The following CCSER2 variants were observed in gnomAD, a reference collection of about 807,000 sequenced individuals.
CCSER2 encodes the protein coiled-coil serine rich protein 2.
In CCSER2, 46 loss-of-function variants were observed where a neutral mutation model predicts 92.3. That is an observed-to-expected ratio of 0.50 (90% confidence interval 0.39 to 0.64). The LOEUF (loss-of-function observed/expected upper bound fraction) is 0.64. CCSER2 is among the 30% of genes least tolerant of loss of function. The pLI is 0.00. For synonymous variants in CCSER2, 433 were observed against 431.4 expected, an observed-to-expected ratio of 1.00 and a Z score of -0.04; for missense variants, 1,244 against 1,238.9, an observed-to-expected ratio of 1.00 and a Z score of -0.06.
chr10:84,346,556 A>C (rs942752515), intron 1 of CCSER2, among the ~76,000 whole-genome samples: 13 of 152,180 alleles, frequency 8.5e-5, no homozygotes, highest in African/African-American at 3.1e-4. Flanking sequence ...AGGAACATCT[A>C]ATCTGCAGAT....
chr10:84,459,487 A>T (rs1845970128), intron 6 of CCSER2, among the ~76,000 whole-genome samples: 1 of 151,844 alleles, frequency 6.6e-6, no homozygotes, highest in South Asian at 2.1e-4. Flanking sequence ...ATTAAATATG[A>T]TGTTACTGGT....
chr10:84,445,725 T>C (rs1346149783), intron 6 of CCSER2, among the ~76,000 whole-genome samples: 1 of 152,202 alleles, frequency 6.6e-6, no homozygotes. Context: ...TAGGATATAC[T>C]TGTTTTATAT....
intron 4 of CCSER2, among the ~76,000 whole-genome samples, chr10:84,425,443 A>G (rs146411763): frequency 6.6e-6 from 1 of 152,272 alleles, no homozygotes; most frequent in Non-Finnish European, 1.5e-5. Flanking sequence ...TATAATGTTG[A>G]TTTCAAGGTT....
chr10:84,363,386 G>A (rs1845613345), intron 1 of CCSER2, among the ~76,000 whole-genome samples: 1 of 152,014 alleles, frequency 6.6e-6, no homozygotes, highest in Non-Finnish European at 1.5e-5. Context: ...GAAAGAAGTA[G>A]TTGAGTAACA....
At chr10:84,498,622 A>C (rs368158005) in intron 9 of CCSER2, among the ~76,000 whole-genome samples, 2 of 152,206 alleles carry the variant, frequency 1.3e-5, no homozygotes, top group Admixed American at 6.5e-5. Flanking sequence ...ATCTGTAAAC[A>C]CTGTTAAACT....
intron 6 of CCSER2, among the ~76,000 whole-genome samples, chr10:84,446,816 T>G (rs1564673020): frequency 6.6e-6 from 1 of 152,130 alleles, no homozygotes; most frequent in Non-Finnish European, 1.5e-5. Flanking sequence ...TGTATTTCCG[T>G]GAATATAAGG....
rs1292544548 is a variant in CCSER2, at chr10:84,377,733, A to G, written c.1614+3918A>G. 2.6e-5 allele frequency among the ~76,000 whole-genome samples: 4 copies of G among 152,270 alleles called. No homozygotes were observed. The East Asian group carries it at 5.8e-4, about 22-fold the overall frequency. ...AGATGATTTTGGAGAGAATTGACAT[A>G]TTTATGATGGAGATATAGTCCTCCA... On this transcript the variant is annotated intron_variant, in intron 3 of 9. Transcript: ENST00000372088.
intron 9 of CCSER2, among the ~76,000 whole-genome samples, chr10:84,505,388 G>A (rs542658653): frequency 2.0e-5 from 3 of 152,056 alleles, no homozygotes; most frequent in African/African-American, 4.8e-5. Flanking sequence ...GCCACTTGAT[G>A]TGTCAAATGT....
intron 3 of CCSER2, among the ~76,000 whole-genome samples, chr10:84,396,557 G>A (rs989852163): frequency 2.6e-5 from 4 of 151,968 alleles, no homozygotes; most frequent in South Asian, 2.1e-4. Flanking sequence ...TGCCCACATC[G>A]TGGTTTATTT....
chr10:84,346,356 A>C (rs958452177), intron 1 of CCSER2, among the ~76,000 whole-genome samples: 2 of 151,834 alleles, frequency 1.3e-5, no homozygotes, highest in African/African-American at 2.4e-5. Flanking sequence ...GAGCCACCGC[A>C]CCCAGCCATG....
intron 3 of CCSER2, among the ~76,000 whole-genome samples, chr10:84,399,168 A>G (rs1440222139): frequency 6.6e-6 from 1 of 152,138 alleles, no homozygotes; most frequent in African/African-American, 2.4e-5. Flanking sequence ...GGTAAATTCT[A>G]AGCCCTCACC....
In CCSER2 at chr10:84,470,279, A is replaced by G. The variant is rs561896178; in HGVS notation, c.2149-93A>G. ...GAGGATTTCCCCCCTAAATGACCAG[A>G]TAGTTTGTTCATTACTGTGTCTTCA... On this transcript the variant is annotated intron_variant, in intron 7 of 9. Coordinates refer to ENST00000372088, the MANE Select transcript of CCSER2 (RefSeq NM_001284240.2). 1,269 of 657,396 alleles carry G rather than the reference A, an allele frequency of 1.9e-3. 5 individuals are homozygous for G. Among genetic ancestry groups the G allele is most frequent in the Middle Eastern group, 3.2e-3 (6 of 1,850 alleles). 40.7% of individuals were successfully genotyped at this position (657,396 alleles called of 1,614,324 possible).
chr10:84,507,034 C>T (rs186155607), intron 9 of CCSER2, among the ~76,000 whole-genome samples: 1 of 152,238 alleles, frequency 6.6e-6, no homozygotes, highest in East Asian at 1.9e-4. Context: ...AGAAGTTTTA[C>T]ACATGCCTTT....
chr10:84,444,794 T>C (rs898874437), intron 6 of CCSER2, among the ~76,000 whole-genome samples: 14 of 152,220 alleles, frequency 9.2e-5, no homozygotes, highest in Non-Finnish European at 1.2e-4. Context: ...AACCATTATA[T>C]TTGGCCTTTG....
chr10:84,374,308 C>T (rs1201541769), intron 3 of CCSER2, among the ~76,000 whole-genome samples: 1 of 152,114 alleles, frequency 6.6e-6, no homozygotes, highest in East Asian at 1.9e-4. Context: ...CATTGAAGTG[C>T]CAACTCTCAG....
At chr10:84,489,925 G>T (rs1848051496) in intron 9 of CCSER2, among the ~76,000 whole-genome samples, 1 of 152,130 alleles carries the variant, frequency 6.6e-6, no homozygotes, top group Admixed American at 6.6e-5. Context: ...GCTCTTTTAG[G>T]GCAGGCCTGG....
At chr10:84,416,628 C>T (rs1328930184) in intron 3 of CCSER2, among the ~76,000 whole-genome samples, 4 of 152,064 alleles carry the variant, frequency 2.6e-5, no homozygotes, top group Non-Finnish European at 5.9e-5. Context: ...AGATATTTCC[C>T]TTCTATAAGA....
chr10:84,343,289 C>T (rs1844305960), intron 1 of CCSER2, among the ~76,000 whole-genome samples: 2 of 152,188 alleles, frequency 1.3e-5, no homozygotes, highest in Non-Finnish European at 2.9e-5. Context: ...AAAGTATAAA[C>T]CTGGGAGTAG....
intron 8 of CCSER2, among the ~76,000 whole-genome samples, chr10:84,476,867 A>G (rs1449382234): frequency 1.3e-5 from 2 of 152,102 alleles, no homozygotes; most frequent in African/African-American, 4.8e-5. Context: ...ATCATTTGTG[A>G]ACAGAAATGG....
Sources: gnomAD v4.1 joint callset for allele counts (sites outside exome capture counted in the v4.1 genomes callset) on GRCh38, gnomAD v4.1.1 for gene constraint, MANE v1.5 for transcripts, NCBI Gene and HGNC (gene_info 2026-07-23, HGNC 2026-07-21) for gene names.